TACC2: variants seen among roughly 807,000 people sequenced by gnomAD.
TACC2 encodes the protein transforming acidic coiled-coil-containing protein 2.
In TACC2, 137 loss-of-function variants were observed where a neutral mutation model predicts 227.3. The observed-to-expected ratio is 0.60, with a 90% CI of 0.52 to 0.69. The LOEUF (loss-of-function observed/expected upper bound fraction) is 0.69. TACC2 is among the 30% of genes least tolerant of loss of function. TACC2 has a pLI of 0.00. For missense variants in TACC2, 3,470 were observed against 3,694.4 expected (o/e 0.94, Z 1.57); for synonymous variants, 1,523 against 1,487.5 (o/e 1.02, Z -0.55).
rs1331920239 is a variant in TACC2, at chr10:122,085,343, G to A, written c.2843G>A (p.Arg948Gln). 1.3e-5 allele frequency: 21 copies of A among 1,613,960 alleles called. No individual in the cohort carries two copies. The highest frequency in any genetic ancestry group is 1.7e-5 in the Non-Finnish European group (20 of 1,180,008). The stretch of plus-strand genomic sequence containing the variant: ...AAGTTGCCTGCACTAGGGGAGAAGC[G>A]GCCAGAGGGAGCATGCGGTGATGGT... Reference protein sequence around the residue: ...RQKLPALGEKRPEGACGDGQS... With the variant: ...RQKLPALGEKQPEGACGDGQS... The change falls in exon 4 of 23, where the codon CGG becomes CAG. Residue 948 changes from arginine to glutamine, a missense_variant. Arg to Gln is a conservative substitution (Grantham distance 43). Coordinates refer to ENST00000369005, the MANE Select transcript of TACC2 (RefSeq NM_206862.4).
chr10:122,218,727 A>C (rs1442652980), intron 11 of TACC2, among the ~76,000 whole-genome samples: 3 of 152,134 alleles, frequency 2.0e-5, no homozygotes, highest in Admixed American at 6.5e-5. Context: ...GAAAGTGACC[A>C]TCTTGGCCAG....
At chr10:121,996,523 G>C (rs11200313) in intron 1 of TACC2, among the ~76,000 whole-genome samples, 23,254 of 152,120 alleles carry the variant, frequency 0.15, 2,189 homozygotes, top group Admixed American at 0.24. Flanking sequence ...ATTTAGAGGA[G>C]ACAAACCTCC....
chr10:122,128,512 A>G (rs1465102156), intron 5 of TACC2, among the ~76,000 whole-genome samples: 1 of 152,166 alleles, frequency 6.6e-6, no homozygotes, highest in East Asian at 1.9e-4. Context: ...AGTGGTGCCT[A>G]ATGGACGAAG....
At chr10:121,991,380 A>G (rs1194987359) in intron 1 of TACC2, among the ~76,000 whole-genome samples, 1 of 152,218 alleles carries the variant, frequency 6.6e-6, no homozygotes, top group Non-Finnish European at 1.5e-5. Context: ...GCTGTCCGCC[A>G]CATGCTAGTG....
At chr10:122,111,850 T>C (rs1254077750) in intron 5 of TACC2, among the ~76,000 whole-genome samples, 3 of 152,144 alleles carry the variant, frequency 2.0e-5, no homozygotes, top group Admixed American at 1.3e-4. Flanking sequence ...ACTAGCCTAT[T>C]TGGGTCTCAG....
chr10:122,072,623 A>G (rs1032079456), intron 3 of TACC2, among the ~76,000 whole-genome samples: 2 of 152,226 alleles, frequency 1.3e-5, no homozygotes, highest in African/African-American at 4.8e-5. Flanking sequence ...AGCATGGATC[A>G]GTTAGAATAT....
At chr10:122,166,627 C>G (rs896195722) in intron 7 of TACC2, among the ~76,000 whole-genome samples, 27 of 152,164 alleles carry the variant, frequency 1.8e-4, no homozygotes, top group African/African-American at 6.5e-4. Context: ...CACCCCAGAC[C>G]AGCTGAATCA....
chr10:122,101,880 C>A (rs2082204770), intron 5 of TACC2, among the ~76,000 whole-genome samples: 1 of 151,282 alleles, frequency 6.6e-6, no homozygotes, highest in Admixed American at 6.6e-5. Context: ...CCAACCCCAT[C>A]CTTTTTTTAA....
intron 7 of TACC2, among the ~76,000 whole-genome samples, chr10:122,193,004 T>A (rs1358322681): frequency 6.6e-6 from 1 of 152,208 alleles, no homozygotes; most frequent in East Asian, 1.9e-4. Context: ...GGTACCTCGA[T>A]CTGTTGTTGT....
At chr10:122,081,590 A>G (rs1302466274) in intron 3 of TACC2, among the ~76,000 whole-genome samples, 4 of 151,910 alleles carry the variant, frequency 2.6e-5, no homozygotes, top group Non-Finnish European at 5.9e-5. Flanking sequence ...TAGTCCAAAT[A>G]CATCATGTAA....
chr10:122,087,067 C>T lies in TACC2; in HGVS notation c.4567C>T (p.Pro1523Ser). Residue 1523 changes from proline (P) to serine (S), a missense_variant, in exon 4 of 23, where the codon CCC becomes TCC. By Grantham distance (74) the Pro-to-Ser change is moderately conservative. Transcript: ENST00000369005. ...GVGKEMAGVP[P>S]TLREDERPEG... The stretch of plus-strand genomic sequence containing the variant: ...GGGGAAGGAGATGGCAGGTGTCCCA[C>T]CCACACTGAGGGAAGACGAGAGGCC... 1 of 1,613,052 alleles carries T rather than the reference C, an allele frequency of 6.2e-7. No homozygotes were observed. The highest frequency in any genetic ancestry group is 8.5e-7 in the Non-Finnish European group (1 of 1,179,658).
chr10:122,160,158 G>A lies in TACC2; in HGVS notation c.5834+16452G>A, dbSNP rs142754006. Among the ~76,000 whole-genome samples the A allele has an allele frequency of 2.0e-5, 3 of 152,306 alleles. No homozygotes were observed. The East Asian group carries it at 5.8e-4, about 29-fold the overall frequency. The stretch of plus-strand genomic sequence containing the variant: ...CATAATAGGTGCATTAATAAACGTT[G>A]AACTGCTTTTTAGAAATGATGGATG... On this transcript the variant is annotated intron_variant, in intron 7 of 22. Transcript: ENST00000369005.
In TACC2 at chr10:122,084,003, G is replaced by C; in HGVS notation, c.1503G>C (p.Leu501Phe). 6.2e-7 allele frequency: 1 copy of C among 1,614,066 alleles called. No homozygotes were observed. The highest frequency in any genetic ancestry group is 1.1e-5 in the South Asian group (1 of 91,078). ...CACCCCAGGAGAGGGGAGAGCACTT[G>C]AACACGGAGCAAAGCCATGAGGTCC... ...APSPQERGEH[L>F]NTEQSHEVQP... Residue 501 changes from leucine (L) to phenylalanine (F), a missense_variant, in exon 4 of 23, where the codon TTG becomes TTC. By Grantham distance (22) the Leu-to-Phe change is conservative (BLOSUM62 0). Transcript: ENST00000369005.
In TACC2 at chr10:122,216,779, G is replaced by T; in HGVS notation, c.7497G>T (p.Ser2499=). 3 of 1,614,040 alleles carry T rather than the reference G, an allele frequency of 1.9e-6. No individual in the cohort carries two copies. Among genetic ancestry groups the T allele is most frequent in the Non-Finnish European group, 2.5e-6 (3 of 1,180,008 alleles). The change falls in exon 11 of 23, where the codon TCG becomes TCT. Residue 2499 remains serine (S), a synonymous_variant. Coordinates refer to ENST00000369005, the MANE Select transcript of TACC2 (RefSeq NM_206862.4). The part of the protein sequence containing the change: ...EADKQDYPQP[S]DLSTFVNETK... ...ACAAACAGGACTACCCGCAGCCCTC[G>T]GACCTGTCCACCTTTGTAAACGAGA... is the stretch of plus-strand genomic sequence containing the variant.
At chr10:122,229,601 C>A in intron 15 of TACC2, 115 bp downstream of exon 15, 1 of 1,185,728 alleles carries the variant, frequency 8.4e-7, no homozygotes, top group Non-Finnish European at 1.2e-6. Flanking sequence ...GAGAACGTTC[C>A]CAGTGACATA....
At chr10:122,026,313 CAAAAAAAA>C in intron 2 of TACC2, among the ~76,000 whole-genome samples, 2 of 71,206 alleles carry the variant, frequency 2.8e-5, no homozygotes, top group South Asian at 7.0e-4. Flanking sequence ...GACTCTGTCT[CAAAAAAAA>C]AAAAAAAAAA....
At chr10:122,097,867 CA>C (rs1412623783) in intron 5 of TACC2, among the ~76,000 whole-genome samples, 1 of 152,110 alleles carries the variant, frequency 6.6e-6, no homozygotes, top group Non-Finnish European at 1.5e-5. Context: ...GGCTTCTGGG[CA>C]ACTCCATCCC....
chr10:122,180,498 C>T lies in TACC2; in HGVS notation c.5835-14542C>T, dbSNP rs564506330. Among the ~76,000 whole-genome samples, 73 of 152,152 alleles carry T rather than the reference C, an allele frequency of 4.8e-4. No homozygotes were observed. The highest frequency in any genetic ancestry group is 1.4e-3 in the African/African-American group (57 of 41,552). The stretch of plus-strand genomic sequence containing the variant: ...GACTACAGGCGCCCGCCACCACACC[C>T]GGCTAATTTTTTTGTGTTTTTGGTA... On this transcript the variant is annotated intron_variant, in intron 7 of 22. Transcript: ENST00000369005. The surrounding 1 kb of genome is among the most constrained non-coding windows in gnomAD (Gnocchi z 4.5).
chr10:122,082,810 C>T lies in TACC2; in HGVS notation c.310C>T (p.Arg104Ter), dbSNP rs377057058. 20 of 1,613,600 alleles carry T rather than the reference C, an allele frequency of 1.2e-5. No homozygotes were observed. Among genetic ancestry groups the T allele is most frequent in the Admixed American group, 1.0e-4 (6 of 59,986 alleles). The change falls in exon 4 of 23, where the codon CGA becomes TGA. Residue 104 changes from arginine (R) to a stop codon, truncating the protein, a stop_gained. Transcript: ENST00000369005. LOFTEE classifies it high-confidence loss of function. The part of the protein sequence containing the change: ...LLPSPPPSQE[R>*]EHPSSSMPFA... ...GCCCAGCCCACCACCGTCCCAGGAG[C>T]GAGAGCACCCCTCGTCCTCCATGCC... is the stretch of plus-strand genomic sequence containing the variant.
Sources: gnomAD v4.1 joint callset for allele counts (sites outside exome capture counted in the v4.1 genomes callset) on GRCh38, gnomAD v4.1.1 for gene constraint, Gnocchi (gnomAD v3.1) non-coding constraint, MANE v1.5 for transcripts, NCBI Gene and HGNC (gene_info 2026-07-23, HGNC 2026-07-21) for gene names.